Variants in ITSN1 observed in about 807,000 individuals in gnomAD.
ITSN1 encodes intersectin 1, also known as intersectin-1.
ITSN1 carries 58 observed loss-of-function variants against 239.8 expected under a neutral mutation model. That is an observed-to-expected ratio of 0.24 (90% CI 0.20 to 0.30). The LOEUF is 0.30. Ranked by LOEUF, ITSN1 falls within the 10% of genes least tolerant of loss-of-function variation. The pLI is 1.00. For missense variants in ITSN1, 1,558 were observed against 2,103.3 expected, an observed-to-expected ratio of 0.74 and a Z score of 5.07; for synonymous variants, 780 against 770.8, an observed-to-expected ratio of 1.01 and a Z score of -0.20.
chr21:33,691,990 A>G (rs1297125719), intron 1 of ITSN1, among the ~76,000 whole-genome samples: 1 of 152,252 alleles, frequency 6.6e-6, no homozygotes, highest in African/African-American at 2.4e-5. Context: ...CCTAGAATGT[A>G]TACATCAAAG....
chr21:33,769,716 C>A (rs148464426), intron 11 of ITSN1, among the ~76,000 whole-genome samples: 112 of 148,992 alleles, frequency 7.5e-4, no homozygotes, highest in African/African-American at 2.6e-3. Context: ...TTTTTTGAGA[C>A]GGTTGTTTCG....
intron 34 of ITSN1, among the ~76,000 whole-genome samples, chr21:33,879,117 G>A (rs1454810414): frequency 2.0e-5 from 3 of 152,172 alleles, no homozygotes; most frequent in Non-Finnish European, 4.4e-5. Context: ...AGAGGCCAAG[G>A]CAGGAGGATC....
At position 33,780,006 on chromosome 21, in the gene ITSN1, A is replaced by G. The variant is rs555929217; in HGVS notation, c.1597-1455A>G. On this transcript the variant is annotated intron_variant, in intron 14 of 39. Coordinates refer to ENST00000381318, the MANE Select transcript of ITSN1 (RefSeq NM_003024.3). Reference sequence around the variant, plus strand: ...GCCACCACGCCTGGCTAATTTTTATATTTTTTGCAGAGATGGGGTTTCACC... The same window carrying G: ...GCCACCACGCCTGGCTAATTTTTATGTTTTTTGCAGAGATGGGGTTTCACC... Among the ~76,000 whole-genome samples the G allele has an allele frequency of 9.2e-5, 14 of 152,022 alleles. No individual in the cohort carries two copies. The South Asian group carries it at 2.9e-3, about 32-fold the overall frequency.
At chr21:33,768,019 C>T (rs1199827275) in intron 11 of ITSN1, among the ~76,000 whole-genome samples, 191 bp downstream of exon 11, 1 of 152,168 alleles carries the variant, frequency 6.6e-6, no homozygotes, top group Non-Finnish European at 1.5e-5. Flanking sequence ...GAAATAAGAA[C>T]ATTATGCACT....
intron 20 of ITSN1, among the ~76,000 whole-genome samples, chr21:33,805,415 G>A (rs1569215757): frequency 6.6e-6 from 1 of 152,014 alleles, no homozygotes; most frequent in Non-Finnish European, 1.5e-5. Flanking sequence ...GATTTCCATA[G>A]ATTAAACATC....
chr21:33,648,386 TAG>T (rs1182744679), intron 1 of ITSN1, among the ~76,000 whole-genome samples: 1 of 152,234 alleles, frequency 6.6e-6, no homozygotes, highest in Non-Finnish European at 1.5e-5. Context: ...CCAAAACTCT[TAG>T]CCTGTTTCCT....
intron 1 of ITSN1, among the ~76,000 whole-genome samples, chr21:33,663,763 T>A (rs2089728844): frequency 6.6e-6 from 1 of 152,168 alleles, no homozygotes; most frequent in Non-Finnish European, 1.5e-5. Flanking sequence ...TCACCACGCC[T>A]GGCTAATTTT....
At chr21:33,872,074 A>G (rs950107417) in intron 33 of ITSN1, among the ~76,000 whole-genome samples, 5 of 152,262 alleles carry the variant, frequency 3.3e-5, no homozygotes, top group Non-Finnish European at 7.3e-5. Flanking sequence ...AGGTAATAAA[A>G]GAAAATACAT....
chr21:33,772,857 A>G (rs1487157448), intron 12 of ITSN1, among the ~76,000 whole-genome samples: 1 of 152,186 alleles, frequency 6.6e-6, no homozygotes, highest in Non-Finnish European at 1.5e-5. Flanking sequence ...CACTGATACC[A>G]GTAAAGTGTT....
chr21:33,864,347 C>T (rs749596209), intron 31 of ITSN1, among the ~76,000 whole-genome samples: 54 of 152,192 alleles, frequency 3.5e-4, no homozygotes, highest in Non-Finnish European at 1.0e-4. Context: ...GCTGTCCTTA[C>T]CGTGTATAAG....
chr21:33,673,268 A>T lies in ITSN1; in HGVS notation c.-33+30555A>T, dbSNP rs983081024. ...TTATCGGGGGAAGGGGAAGTGGGAG[A>T]TGTAGGTCAAAGTTGCAGTTACATA... is the stretch of plus-strand genomic sequence containing the variant. On this transcript the variant is annotated intron_variant, in intron 1 of 39. Coordinates refer to ENST00000381318, the MANE Select transcript of ITSN1 (RefSeq NM_003024.3). 5.3e-5 allele frequency among the ~76,000 whole-genome samples: 8 copies of T among 152,314 alleles called. No individual in the cohort carries two copies. In the Middle Eastern group the frequency reaches 0.01, roughly 194 times the overall value.
intron 33 of ITSN1, among the ~76,000 whole-genome samples, chr21:33,873,656 A>G (rs889134432): frequency 6.6e-6 from 1 of 151,872 alleles, no homozygotes; most frequent in Non-Finnish European, 1.5e-5. Flanking sequence ...AGATCACTTG[A>G]GGCCAGGAGT....
chr21:33,829,578 T>G, intron 26 of ITSN1, 46 bp from the exon 27 acceptor site: 1 of 1,603,428 alleles, frequency 6.2e-7, no homozygotes, highest in South Asian at 1.1e-5. Context: ...CCTTTTCTCC[T>G]GCTGACTCTT....
intron 1 of ITSN1, among the ~76,000 whole-genome samples, chr21:33,684,871 T>G (rs2091159248): frequency 6.6e-6 from 1 of 152,220 alleles, no homozygotes; most frequent in Non-Finnish European, 1.5e-5. Flanking sequence ...TCCTTGTGAA[T>G]TCTTTGTTAA....
rs1396098398 is a variant in ITSN1, at chr21:33,894,556, A to AAAATCAGC, written c.*6258_*6265dup. The AAAATCAGC allele has an allele frequency of 6.6e-6, 1 of 152,222 alleles. No individual in the cohort carries two copies. Among genetic ancestry groups the AAAATCAGC allele is most frequent in the Non-Finnish European group, 1.5e-5 (1 of 68,048 alleles). 9.4% of individuals were successfully genotyped at this position (152,222 alleles called of 1,614,324 possible). On this transcript the variant is annotated 3_prime_UTR_variant, in exon 40 of 40. Transcript: ENST00000381318. Reference sequence around the variant, plus strand: ...CTTTTTGGTCAGCCTTGAAAAAAAAAAAATCAGCATTTCTCTGATATTTCC... The same window carrying AAAATCAGC: ...CTTTTTGGTCAGCCTTGAAAAAAAAAAAATCAGCAAATCAGCATTTCTCTGATATTTCC...
intron 31 of ITSN1, among the ~76,000 whole-genome samples, chr21:33,864,165 A>G (rs1981150599): frequency 6.6e-6 from 1 of 152,200 alleles, no homozygotes; most frequent in Non-Finnish European, 1.5e-5. Flanking sequence ...CTTCTCCAAC[A>G]TGACCATGAA....
chr21:33,661,504 C>T (rs2089554977), intron 1 of ITSN1, among the ~76,000 whole-genome samples: 1 of 151,870 alleles, frequency 6.6e-6, no homozygotes, highest in African/African-American at 2.4e-5. Flanking sequence ...AGTTTGGTGC[C>T]ACTGCTAAGG....
At chr21:33,826,753 A>G (rs369154061) in intron 25 of ITSN1, 65 bp from the exon 26 acceptor site, 54 of 1,468,100 alleles carry the variant, frequency 3.7e-5, no homozygotes, top group Middle Eastern at 1.7e-4. Flanking sequence ...ATCATCATTA[A>G]TCGTTTTTAA....
At chr21:33,715,028 C>A (rs879440018) in intron 1 of ITSN1, among the ~76,000 whole-genome samples, 29 of 151,914 alleles carry the variant, frequency 1.9e-4, no homozygotes, top group Non-Finnish European at 3.7e-4. Flanking sequence ...TTAGCCATTT[C>A]TTAATAAAAT....
Sources: gnomAD v4.1 joint callset for allele counts (sites outside exome capture counted in the v4.1 genomes callset) on GRCh38, gnomAD v4.1.1 for gene constraint, MANE v1.5 for transcripts, NCBI Gene and HGNC (gene_info 2026-07-23, HGNC 2026-07-21) for gene names.